SNTG1: variants seen among roughly 807,000 people sequenced by gnomAD.
The protein encoded by SNTG1 is syntrophin gamma 1, also known as gamma-1-syntrophin.
In SNTG1, 39 loss-of-function variants were observed where a neutral mutation model predicts 74.7. The observed-to-expected ratio is 0.52, with a 90% confidence interval of 0.40 to 0.68. SNTG1 has a LOEUF of 0.68. Ranked by LOEUF, SNTG1 falls within the 30% of genes least tolerant of loss-of-function variation. SNTG1 has a pLI of 0.00. For missense variants in SNTG1, 685 were observed against 609.5 expected, an observed-to-expected ratio of 1.12 and a Z score of -1.30; for synonymous variants, 254 against 217.1, an observed-to-expected ratio of 1.17 and a Z score of -1.49.
chr8:49,970,199 T>C (rs1223820303), intron 1 of SNTG1, among the ~76,000 whole-genome samples: 1 of 152,058 alleles, frequency 6.6e-6, no homozygotes, highest in Admixed American at 6.5e-5. Context: ...AATTTCACAG[T>C]GCCTATTTGA....
intron 1 of SNTG1, among the ~76,000 whole-genome samples, chr8:50,125,576 T>C (rs1162671348): frequency 1.4e-5 from 2 of 142,188 alleles, no homozygotes; most frequent in African/African-American, 2.5e-5. Flanking sequence ...GTAATTTTTA[T>C]ATACTAAGGC....
chr8:49,980,544 A>T (rs1038658545), intron 1 of SNTG1, among the ~76,000 whole-genome samples: 1 of 150,222 alleles, frequency 6.7e-6, no homozygotes, highest in Non-Finnish European at 1.5e-5. Flanking sequence ...AAAAAAAAAA[A>T]AAAAAAATTA....
chr8:50,578,234 C>T (rs1306889717), intron 12 of SNTG1, among the ~76,000 whole-genome samples: 1 of 152,148 alleles, frequency 6.6e-6, no homozygotes, highest in Non-Finnish European at 1.5e-5. Flanking sequence ...CTTTCTGAGT[C>T]CTCAGAAAAG....
intron 1 of SNTG1, among the ~76,000 whole-genome samples, chr8:50,037,578 T>C (rs1818270433): frequency 6.6e-6 from 1 of 152,260 alleles, no homozygotes; most frequent in East Asian, 1.9e-4. Flanking sequence ...AAAATTATCC[T>C]GCTTCTCCTA....
chr8:50,095,847 A>G (rs986477496), intron 1 of SNTG1, among the ~76,000 whole-genome samples: 2 of 152,080 alleles, frequency 1.3e-5, no homozygotes, highest in African/African-American at 2.4e-5. Flanking sequence ...CTTTTTTTCA[A>G]ATTCTCCAAA....
At chr8:50,575,521 C>T (rs1298042380) in intron 12 of SNTG1, 1 of 152,194 alleles carries the variant, frequency 6.6e-6, no homozygotes. Context: ...TCCACCATAC[C>T]AAAGTAGCAA....
intron 18 of SNTG1, among the ~76,000 whole-genome samples, chr8:50,769,689 T>C (rs2095622421): frequency 6.6e-6 from 1 of 152,066 alleles, no homozygotes; most frequent in Non-Finnish European, 1.5e-5. Flanking sequence ...GCATTCATCA[T>C]GCCACCTTAA....
At chr8:49,910,300 G>A (rs1262051545), upstream of SNTG1, among the ~76,000 whole-genome samples, 15 of 136,368 alleles carry the variant, frequency 1.1e-4, no homozygotes, top group African/African-American at 4.0e-4. Flanking sequence ...CCGGACCCCC[G>A]TCCCCACCAC....
In SNTG1 at chr8:50,299,757, G is replaced by A. The variant is rs1429406135; in HGVS notation, c.-27-94455G>A. 2.0e-5 allele frequency among the ~76,000 whole-genome samples: 3 copies of A among 152,116 alleles called. No homozygotes were observed. In the East Asian group the frequency reaches 5.8e-4, roughly 29 times the overall value. ...TTTATTTTTATTGGGATCTCCGTTA[G>A]AACTAGCCCTATTTCAAGGGCTCAG... On this transcript the variant is annotated intron_variant, in intron 2 of 18. Transcript: ENST00000642720.
intron 2 of SNTG1, among the ~76,000 whole-genome samples, chr8:50,359,688 T>C (rs2091907977): frequency 2.0e-5 from 3 of 152,188 alleles, no homozygotes; most frequent in Admixed American, 2.0e-4. Flanking sequence ...ATTCTAGTTG[T>C]CTATCAGCTT....
chr8:50,618,754 AAATTTTACAGACCACCCTCAATT>A (rs1235925012), intron 13 of SNTG1, among the ~76,000 whole-genome samples: 11 of 152,168 alleles, frequency 7.2e-5, no homozygotes, highest in Non-Finnish European at 1.6e-4. Context: ...GGAGACCTCT[AAATTTTACAGACCACCCTCAATT>A]CTCTGTCATG....
At chr8:50,370,380 G>C (rs1469216874) in intron 2 of SNTG1, among the ~76,000 whole-genome samples, 1 of 152,168 alleles carries the variant, frequency 6.6e-6, no homozygotes, top group East Asian at 1.9e-4. Context: ...GGTAAGGAAT[G>C]GGATCTTGAA....
chr8:50,760,435 T>G (rs1353408622), intron 18 of SNTG1, among the ~76,000 whole-genome samples: 1 of 152,054 alleles, frequency 6.6e-6, no homozygotes, highest in African/African-American at 2.4e-5. Context: ...AAGGAAATGC[T>G]TCTAGGTTTT....
intron 15 of SNTG1, among the ~76,000 whole-genome samples, chr8:50,672,999 T>C (rs2095292256): frequency 6.6e-6 from 1 of 152,178 alleles, no homozygotes; most frequent in Non-Finnish European, 1.5e-5. Context: ...CAGTTATAGA[T>C]GTGTAGTATT....
intron 11 of SNTG1, among the ~76,000 whole-genome samples, chr8:50,549,944 G>A (rs919002071): frequency 2.0e-5 from 3 of 151,994 alleles, no homozygotes; most frequent in African/African-American, 7.2e-5. Context: ...ATTATACATA[G>A]AACTTCAGCC....
At chr8:50,597,280 C>T (rs2094734112) in intron 13 of SNTG1, among the ~76,000 whole-genome samples, 1 of 149,660 alleles carries the variant, frequency 6.7e-6, no homozygotes, top group African/African-American at 2.4e-5. Flanking sequence ...AGAATATATA[C>T]ATATATATAT....
At chr8:50,454,829 T>TAAAAAAAAAAAAAAAAAAAAAAAAA (rs1158732952) in intron 8 of SNTG1, among the ~76,000 whole-genome samples, 6 of 95,152 alleles carry the variant, frequency 6.3e-5, no homozygotes, top group African/African-American at 2.6e-4. Context: ...CAGACAGAGC[T>TAAAAAAAAAAAAAAAAAAAAAAAAA]AAAAAAAAAA....
chr8:50,750,321 G>T (rs1174938748), intron 17 of SNTG1, among the ~76,000 whole-genome samples: 6 of 152,004 alleles, frequency 3.9e-5, no homozygotes, highest in Non-Finnish European at 7.4e-5. Flanking sequence ...GAGGAGCAAA[G>T]AAAGTGGTTT....
chr8:50,636,201 G>C (rs921492682), intron 13 of SNTG1, among the ~76,000 whole-genome samples: 9 of 150,836 alleles, frequency 6.0e-5, no homozygotes, highest in African/African-American at 2.2e-4. Flanking sequence ...TCCTCAAGCA[G>C]AAGAAAGGAC....
Sources: allele counts gnomAD v4.1 joint callset (sites outside exome capture counted in the v4.1 genomes callset), GRCh38; gene constraint gnomAD v4.1.1; transcripts MANE v1.5; gene names NCBI Gene and HGNC (gene_info 2026-07-23, HGNC 2026-07-21).